MRM1: variants seen among roughly 807,000 people sequenced by gnomAD.
MRM1 encodes the protein mitochondrial rRNA methyltransferase 1.
In MRM1, 24 loss-of-function variants were observed where a neutral mutation model predicts 25.0. The observed-to-expected ratio is 0.96, with a 90% CI of 0.69 to 1.35. The LOEUF is 1.35. MRM1 is among the 40% of genes most tolerant of loss of function. The pLI is 0.00. For synonymous variants in MRM1, 188 were observed against 199.2 expected, an observed-to-expected ratio of 0.94 and a Z score of 0.47; for missense variants, 431 against 464.1, an observed-to-expected ratio of 0.93 and a Z score of 0.65.
the MRM1 span, among the ~76,000 whole-genome samples, chr17:36,631,446 C>T: frequency 2.0e-5 from 3 of 152,206 alleles, no homozygotes; most frequent in African/African-American, 7.2e-5. Flanking sequence ...CTCCATCTTT[C>T]CTGCGGGTTT....
In MRM1 at chr17:36,608,470, C is replaced by T; in HGVS notation, c.*55C>T. 1 of 1,371,232 alleles carries T rather than the reference C, an allele frequency of 7.3e-7. No individual in the cohort carries two copies. The allele number at this position is 1,371,232 out of a possible 1,614,324, so 84.9% of individuals were successfully genotyped here. A position where few individuals can be genotyped will look rare whatever the true frequency, so the allele number is the denominator to read the frequency against. ...GAGTCAGGGACGGCCGCACCTGCCT[C>T]CGCCGGCTCCAGTGTGCGGGGAGCC... On this transcript the variant is annotated 3_prime_UTR_variant, in exon 5 of 5. Coordinates refer to ENST00000614766, the MANE Select transcript of MRM1 (RefSeq NM_024864.5).
chr17:36,631,553 C>A, the MRM1 span, among the ~76,000 whole-genome samples: 1 of 152,350 alleles, frequency 6.6e-6, no homozygotes, highest in South Asian at 2.1e-4. Flanking sequence ...GAGTTGGGAA[C>A]CTTGAATGAG....
In MRM1 at chr17:36,602,968, G is replaced by A. The variant is rs894084787; in HGVS notation, c.636+322G>A. On this transcript the variant is annotated intron_variant, in intron 2 of 4. Transcript: ENST00000614766. The surrounding 1 kb of genome is among the most constrained non-coding windows in gnomAD (Gnocchi z 4.1). ...AATGCATTTTGTTCAGCTGTGGGGA[G>A]CTGCGTACAGGAGACCTGAGTTCCT... 4.1e-6 allele frequency: 4 copies of A among 985,298 alleles called. No homozygotes were observed. In the African/African-American group the frequency reaches 7.0e-5, roughly 17 times the overall value. 61.0% of individuals were successfully genotyped at this position (985,298 alleles called of 1,614,324 possible).
chr17:36,622,600 A>G, the MRM1 span, among the ~76,000 whole-genome samples: 2 of 151,944 alleles, frequency 1.3e-5, no homozygotes, highest in African/African-American at 4.8e-5. Context: ...TTCAAACCTC[A>G]TATGGGGGCA....
At chr17:36,626,942 G>GACCCCAGCCTCAGA in the MRM1 span, among the ~76,000 whole-genome samples, 1 of 152,144 alleles carries the variant, frequency 6.6e-6, no homozygotes, top group Non-Finnish European at 1.5e-5. Context: ...TGTAAATGGT[G>GACCCCAGCCTCAGA]CCCCAGGCCT....
At chr17:36,608,083 C>G in intron 4 of MRM1, 65 bp downstream of exon 4, 1 of 1,576,978 alleles carries the variant, frequency 6.3e-7, no homozygotes, top group Non-Finnish European at 8.6e-7. Context: ...TTGATGCCCT[C>G]TAATCCCATT....
At chr17:36,605,140 CAA>C (rs35958806) in intron 2 of MRM1, among the ~76,000 whole-genome samples, 12 of 120,224 alleles carry the variant, frequency 1.0e-4, no homozygotes, top group Non-Finnish European at 1.0e-4. Flanking sequence ...AACTCTATCT[CAA>C]AAAAAAAAAA....
intron 2 of MRM1, chr17:36,603,242 C>T: frequency 1.0e-6 from 1 of 983,556 alleles, no homozygotes; most frequent in African/African-American, 1.8e-5. Context: ...TGGGACCTGT[C>T]TAGAACAACG....
At chr17:36,634,545 G>A in the MRM1 span, 1 of 152,200 alleles carries the variant, frequency 6.6e-6, no homozygotes, top group Non-Finnish European at 1.5e-5. Flanking sequence ...GTCATTTTCG[G>A]GGTGGCAGGG....
intron 2 of MRM1, among the ~76,000 whole-genome samples, chr17:36,604,868 G>T (rs1050129723): frequency 6.6e-6 from 1 of 150,464 alleles, no homozygotes; most frequent in Admixed American, 6.6e-5. Flanking sequence ...GGCCAGGCAC[G>T]GTGGCTCACG....
chr17:36,633,120 C>T, the MRM1 span, among the ~76,000 whole-genome samples: 2 of 152,300 alleles, frequency 1.3e-5, no homozygotes, highest in African/African-American at 4.8e-5. Context: ...GGTGGCTTGC[C>T]TCCTTTCTCC....
rs114566242 is a variant in MRM1 at position 36,602,211 on chromosome 17, C to T, written c.401C>T (p.Ala134Val). The change falls in exon 1 of 5, where the codon GCC becomes GTC. Residue 134 changes from alanine to valine, a missense_variant. Transcript: ENST00000614766. This position sits in a 1 kb window ranked among gnomAD's most constrained non-coding sequence, Gnocchi z 4.1. The stretch of plus-strand genomic sequence containing the variant: ...CTGCGGCCCCGGCCTTGGAGAGAGG[C>T]CGGGGAGGCGAGCCCAGGCGACGAC... The part of the protein sequence containing the change: ...SPLRPRPWRE[A>V]GEASPGDDPQ... 1,667 of 1,610,444 alleles carry T rather than the reference C, an allele frequency of 1.0e-3. 17 individuals carry two copies. The African/African-American group carries it at 0.02, about 19-fold the overall frequency.
chr17:36,629,328 T>C, the MRM1 span, among the ~76,000 whole-genome samples: 7 of 152,282 alleles, frequency 4.6e-5, no homozygotes, highest in African/African-American at 1.7e-4. Context: ...GTCAGAAGTC[T>C]AGATTTGGCG....
At chr17:36,620,110 T>C in the MRM1 span, among the ~76,000 whole-genome samples, 1 of 152,196 alleles carries the variant, frequency 6.6e-6, no homozygotes, top group African/African-American at 2.4e-5. Flanking sequence ...TCTTATCAGT[T>C]ATAAGATTTG....
chr17:36,601,888 TG>T lies in MRM1; in HGVS notation c.82del (p.Glu28SerfsTer8). On this transcript the variant is annotated frameshift_variant, in exon 1 of 5. Transcript: ENST00000614766. LOFTEE classifies it high-confidence loss of function. ...GTCATTTCTCCCATGCAGCGCGGCA[TG>T]GGGAGCGGCCTGGTGGGGAGGAGCT... ...TRHFSHAARHGERPGGEELSR... is the reference protein window; with the variant it reads ...TRHFSHAARHXERPGGEELSR... 1 of 1,610,294 alleles carries T rather than the reference TG, an allele frequency of 6.2e-7. No homozygotes were observed.
At position 36,602,433 on chromosome 17, in the gene MRM1, C is replaced by CCTTA. The variant is rs916364246; in HGVS notation, c.542+82_542+85dup. Reference sequence around the variant, plus strand: ...TAAGCACCTTGGCCCTTGGGTGATCCCTTAGCCAGACTTACCTGTCCCAGA... The same window carrying CCTTA: ...TAAGCACCTTGGCCCTTGGGTGATCCCTTACTTAGCCAGACTTACCTGTCCCAGA... On this transcript the variant is annotated intron_variant, in intron 1 of 4. Transcript: ENST00000614766. This position sits in a 1 kb window ranked among gnomAD's most constrained non-coding sequence, Gnocchi z 4.1. 6.4e-7 allele frequency: 1 copy of CCTTA among 1,569,056 alleles called. No homozygotes were observed. The highest frequency in any genetic ancestry group is 1.4e-5 in the African/African-American group (1 of 73,936).
chr17:36,629,487 C>A, the MRM1 span, among the ~76,000 whole-genome samples: 1 of 152,152 alleles, frequency 6.6e-6, no homozygotes, highest in Non-Finnish European at 1.5e-5. Context: ...ATCCTCTGAG[C>A]ATGTGGCTGC....
rs201086352 is a variant in MRM1 at position 36,602,103 on chromosome 17, C to T, written c.293C>T (p.Pro98Leu). The change falls in exon 1 of 5, where the codon CCA becomes CTA. Residue 98 changes from proline (P) to leucine (L), a missense_variant. Physicochemically the swap from Pro to Leu is moderately conservative, Grantham distance 98. Transcript: ENST00000614766. This position sits in a 1 kb window ranked among gnomAD's most constrained non-coding sequence, Gnocchi z 4.1. Reference sequence around the variant, plus strand: ...CGGATGGCCGAGGCGCGGGACATTCCAGTTCTGCGGCCCAGACGGCAGAAA... The same window carrying T: ...CGGATGGCCGAGGCGCGGGACATTCTAGTTCTGCGGCCCAGACGGCAGAAA... ...LLRMAEARDIPVLRPRRQKLD... is the reference protein window; with the variant it reads ...LLRMAEARDILVLRPRRQKLD... 3 of 1,611,716 alleles carry T rather than the reference C, an allele frequency of 1.9e-6. No individual in the cohort carries two copies. The highest frequency in any genetic ancestry group is 2.5e-6 in the Non-Finnish European group (3 of 1,179,806).
chr17:36,622,949 G>C, the MRM1 span, among the ~76,000 whole-genome samples: 31,000 of 152,230 alleles, frequency 0.2, 3,371 homozygotes, highest in Middle Eastern at 0.22. Flanking sequence ...TTCGCTAGGC[G>C]CAGAGGTCAG....
Sources: allele counts gnomAD v4.1 joint callset (sites outside exome capture counted in the v4.1 genomes callset), GRCh38; gene constraint gnomAD v4.1.1; non-coding constraint Gnocchi (gnomAD v3.1); transcripts MANE v1.5; gene names NCBI Gene and HGNC (gene_info 2026-07-23, HGNC 2026-07-21).